Variants in MSI2 observed in about 807,000 individuals in gnomAD.
MSI2 encodes the protein musashi RNA binding protein 2, also known as RNA-binding protein Musashi homolog 2.
Under a neutral mutation model 45.6 loss-of-function variants are expected in MSI2, and 17 were observed. The ratio of observed to expected loss-of-function variants is 0.37; its 90% CI spans 0.26 to 0.56. MSI2 has a LOEUF of 0.56. MSI2 is among the 20% of genes least tolerant of loss of function. The pLI is 0.77. For missense variants in MSI2, 293 were observed against 444.2 expected (o/e 0.66, Z 3.06); for synonymous variants, 156 against 158.2 (o/e 0.99, Z 0.11).
At chr17:57,413,401 C>T (rs1189222301) in intron 6 of MSI2, among the ~76,000 whole-genome samples, 1 of 152,050 alleles carries the variant, frequency 6.6e-6, no homozygotes, top group Non-Finnish European at 1.5e-5. Flanking sequence ...ACTGACTTGC[C>T]GGTTGCCCTG....
chr17:57,317,475 C>G (rs1402133643), intron 5 of MSI2, among the ~76,000 whole-genome samples: 2 of 151,590 alleles, frequency 1.3e-5, no homozygotes, highest in East Asian at 3.9e-4. Flanking sequence ...TAATAACCAC[C>G]CATTACACTC....
chr17:57,575,944 CAAAAAAAAAAAA>C (rs34036311), intron 7 of MSI2, among the ~76,000 whole-genome samples: 1 of 64,434 alleles, frequency 1.6e-5, no homozygotes, highest in East Asian at 4.0e-4. Flanking sequence ...GACTCCGTCT[CAAAAAAAAAAAA>C]AAAAAAAAAA....
chr17:57,438,042 G>A (rs1012903426), intron 6 of MSI2, among the ~76,000 whole-genome samples: 4 of 152,218 alleles, frequency 2.6e-5, no homozygotes, highest in South Asian at 2.1e-4. Flanking sequence ...ACCTTATTTG[G>A]ATTGGGTGGT....
intron 11 of MSI2, among the ~76,000 whole-genome samples, chr17:57,664,872 C>A (rs1598506232): frequency 6.6e-6 from 1 of 152,320 alleles, no homozygotes; most frequent in East Asian, 1.9e-4. Context: ...CTAATAGGAA[C>A]TTTGATCCTG....
chr17:57,571,233 C>A (rs982388326), intron 7 of MSI2, among the ~76,000 whole-genome samples: 26 of 152,318 alleles, frequency 1.7e-4, no homozygotes, highest in African/African-American at 6.3e-4. Context: ...TGCCACTAAC[C>A]TTTTACTGCC....
chr17:57,573,910 T>C (rs1045036274), intron 7 of MSI2, among the ~76,000 whole-genome samples: 35 of 152,230 alleles, frequency 2.3e-4, no homozygotes, highest in African/African-American at 7.7e-4. Flanking sequence ...AAGGATTAGA[T>C]ATCATCATAT....
chr17:57,577,829 G>A (rs999634664), intron 7 of MSI2, among the ~76,000 whole-genome samples: 2 of 152,144 alleles, frequency 1.3e-5, no homozygotes, highest in South Asian at 2.1e-4. Context: ...GTGTTTCTGC[G>A]TCCTCGGACT....
intron 5 of MSI2, among the ~76,000 whole-genome samples, chr17:57,390,391 C>A (rs1436460334): frequency 6.6e-6 from 1 of 152,162 alleles, no homozygotes; most frequent in Non-Finnish European, 1.5e-5. Context: ...CCAGGTCTCA[C>A]CTTGAACCAA....
At chr17:57,302,951 G>C (rs1363808453) in intron 5 of MSI2, among the ~76,000 whole-genome samples, 1 of 152,184 alleles carries the variant, frequency 6.6e-6, no homozygotes, top group Non-Finnish European at 1.5e-5. Context: ...GTAGAAACTG[G>C]CCGAGTGAGG....
intron 7 of MSI2, among the ~76,000 whole-genome samples, chr17:57,548,870 C>A (rs1354405116): frequency 6.6e-6 from 1 of 151,358 alleles, no homozygotes; most frequent in African/African-American, 2.4e-5. Flanking sequence ...ACCTCTTCAC[C>A]CCTTACTTCT....
At chr17:57,310,167 A>G (rs565880814) in intron 5 of MSI2, among the ~76,000 whole-genome samples, 92 of 152,218 alleles carry the variant, frequency 6.0e-4, no homozygotes, top group Admixed American at 1.4e-3. Flanking sequence ...TGTATCCTGG[A>G]CTGAGAATCA....
the MSI2 span, among the ~76,000 whole-genome samples, chr17:57,696,198 G>A: frequency 6.6e-6 from 1 of 152,220 alleles, no homozygotes; most frequent in Non-Finnish European, 1.5e-5. Flanking sequence ...TAAGTAGACA[G>A]GAAGAAGGAT....
At chr17:57,514,701 G>A (rs62058067) in intron 6 of MSI2, among the ~76,000 whole-genome samples, 6,875 of 129,392 alleles carry the variant, frequency 0.053, 267 homozygotes, top group African/African-American at 0.12. Context: ...TTCCCTCTCC[G>A]TTCTTTTTTC....
rs117619875 is a variant in MSI2 at position 57,279,141 on chromosome 17, G to A, written c.312+16949G>A. On this transcript the variant is annotated intron_variant, in intron 5 of 13. Coordinates refer to ENST00000284073, the MANE Select transcript of MSI2 (RefSeq NM_138962.4). Reference sequence around the variant, plus strand: ...TATGCCAGTGAGCACAACACAGGCCGCATATGGACACACATGAGGTCGCTC... The same window carrying A: ...TATGCCAGTGAGCACAACACAGGCCACATATGGACACACATGAGGTCGCTC... The A allele has an allele frequency of 7.4e-3, 1,122 of 152,422 alleles. 7 individuals carry two copies. The highest frequency in any genetic ancestry group is 0.011 in the Non-Finnish European group (778 of 68,144). 9.4% of individuals were successfully genotyped at this position (152,422 alleles called of 1,614,324 possible).
At chr17:57,434,985 G>A (rs1157805453) in intron 6 of MSI2, among the ~76,000 whole-genome samples, 2 of 152,132 alleles carry the variant, frequency 1.3e-5, no homozygotes, top group South Asian at 2.1e-4. Flanking sequence ...GGAGGGTTGA[G>A]GGGAAAACAC....
At position 57,329,648 on chromosome 17, in the gene MSI2, A is replaced by T. The variant is rs183346178; in HGVS notation, c.312+67456A>T. On this transcript the variant is annotated intron_variant, in intron 5 of 13. Transcript: ENST00000284073. Reference sequence around the variant, plus strand: ...TCTCAAAGACTTATTTACATGAGTTAGTGAAAAAAGGTTTGTCCTTCTTCT... The same window carrying T: ...TCTCAAAGACTTATTTACATGAGTTTGTGAAAAAAGGTTTGTCCTTCTTCT... Among the ~76,000 whole-genome samples the T allele has an allele frequency of 2.5e-3, 377 of 152,324 alleles. 1 individual carries two copies. Among genetic ancestry groups the T allele is most frequent in the Non-Finnish European group, 4.1e-3 (278 of 68,026 alleles).
Position 57,583,488 on chromosome 17 carries a change from C to CTTTT in MSI2, c.455-13364_455-13361dup, listed in dbSNP as rs5821192. On this transcript the variant is annotated intron_variant, in intron 7 of 13. Coordinates refer to ENST00000284073, the MANE Select transcript of MSI2 (RefSeq NM_138962.4). ...TACTTTTTTCCTTCTCCCAATGTTT[C>CTTTT]TTTTTTTTTTTTTTTTTTTGAGACA... 4.0e-3 allele frequency among the ~76,000 whole-genome samples: 391 copies of CTTTT among 98,008 alleles called. 9 individuals are homozygous for CTTTT. Among genetic ancestry groups the CTTTT allele is most frequent in the East Asian group, 0.02 (57 of 2,836 alleles). 64.3% of individuals were successfully genotyped at this position (98,008 alleles called of 152,430 possible). A position where few individuals can be genotyped will look rare whatever the true frequency, so the allele number is the denominator to read the frequency against.
the MSI2 span, among the ~76,000 whole-genome samples, chr17:57,700,638 C>G: frequency 5.9e-5 from 9 of 152,180 alleles, no homozygotes; most frequent in Non-Finnish European, 1.3e-4. Flanking sequence ...CGCGGTTGCT[C>G]ATGCCTGTAA....
At chr17:57,437,580 A>G (rs149305326) in intron 6 of MSI2, among the ~76,000 whole-genome samples, 9 of 152,312 alleles carry the variant, frequency 5.9e-5, no homozygotes, top group Admixed American at 1.3e-4. Flanking sequence ...GTTCACTGCA[A>G]TGAACTTTTC....
Sources: gnomAD v4.1 joint callset for allele counts (sites outside exome capture counted in the v4.1 genomes callset) on GRCh38, gnomAD v4.1.1 for gene constraint, MANE v1.5 for transcripts, NCBI Gene and HGNC (gene_info 2026-07-23, HGNC 2026-07-21) for gene names.